The following TLE1 variants were observed in gnomAD, a reference collection of about 807,000 sequenced individuals.
The protein encoded by TLE1 is transducin-like enhancer protein 1.
In TLE1, 21 loss-of-function variants were observed where a neutral mutation model predicts 89.8. The observed-to-expected ratio is 0.23, with a 90% confidence interval of 0.17 to 0.34. The LOEUF is 0.34. Ranked by LOEUF, TLE1 falls within the 10% of genes least tolerant of loss-of-function variation. The pLI is 1.00. For missense variants in TLE1, 795 were observed against 1,031.2 expected (o/e 0.77, Z 3.14); for synonymous variants, 447 against 407.6 (o/e 1.10, Z -1.16).
At chr9:81,680,171 C>T (rs1183662305) in intron 4 of TLE1, among the ~76,000 whole-genome samples, 3 of 152,140 alleles carry the variant, frequency 2.0e-5, no homozygotes, top group African/African-American at 7.2e-5. Flanking sequence ...CCTCATTATA[C>T]AGAGAGGGGA....
At chr9:81,673,205 G>A (rs568997703) in intron 4 of TLE1, among the ~76,000 whole-genome samples, 75 of 150,680 alleles carry the variant, frequency 5.0e-4, no homozygotes, top group Non-Finnish European at 8.6e-4. Context: ...CCTGGGAGGT[G>A]GAGGTTGCAG....
chr9:81,662,017 C>G (rs572660206), intron 4 of TLE1, among the ~76,000 whole-genome samples: 1 of 152,056 alleles, frequency 6.6e-6, no homozygotes, highest in Non-Finnish European at 1.5e-5. Context: ...TAAGGCTTCC[C>G]ACAGCTAAGA....
chr9:81,612,179 C>A, intron 12 of TLE1: 1 of 671,894 alleles, frequency 1.5e-6, no homozygotes, highest in Non-Finnish European at 2.1e-6. Flanking sequence ...GGAAGCACAA[C>A]CCACACATTT....
At chr9:81,645,185 C>A (rs1211276033) in intron 6 of TLE1, among the ~76,000 whole-genome samples, 2 of 151,068 alleles carry the variant, frequency 1.3e-5, no homozygotes, top group African/African-American at 4.9e-5. Context: ...CATGGAGAAA[C>A]CCTGTCTCTA....
chr9:81,599,156 C>A (rs1280879204), intron 14 of TLE1, among the ~76,000 whole-genome samples: 1 of 152,180 alleles, frequency 6.6e-6, no homozygotes, highest in Non-Finnish European at 1.5e-5. Flanking sequence ...TATAGTCAAC[C>A]TTTGTTTGCC....
At chr9:81,658,365 CA>C (rs1564038940) in intron 4 of TLE1, among the ~76,000 whole-genome samples, 1 of 152,044 alleles carries the variant, frequency 6.6e-6, no homozygotes, top group Non-Finnish European at 1.5e-5. Flanking sequence ...AGTTAGAAAT[CA>C]AAGCTCAAAC....
chr9:81,667,044 G>A (rs1453224052), intron 4 of TLE1, among the ~76,000 whole-genome samples: 2 of 151,746 alleles, frequency 1.3e-5, no homozygotes, highest in Non-Finnish European at 2.9e-5. Flanking sequence ...CTTGTTCGGA[G>A]TAATCCTTGG....
chr9:81,679,662 C>A (rs940949429), intron 4 of TLE1, among the ~76,000 whole-genome samples: 3 of 152,190 alleles, frequency 2.0e-5, no homozygotes, highest in African/African-American at 7.2e-5. Flanking sequence ...ACAGAAACAG[C>A]TGTCTAAAAT....
intron 4 of TLE1, among the ~76,000 whole-genome samples, chr9:81,660,978 C>CACACACACAA (rs140689682): frequency 6.6e-5 from 8 of 121,758 alleles, no homozygotes; most frequent in Non-Finnish European, 1.2e-4. Flanking sequence ...CACACACACA[C>CACACACACAA]ATTTAGCCTG....
chr9:81,662,623 A>T (rs1180276151), intron 4 of TLE1, among the ~76,000 whole-genome samples: 1 of 151,532 alleles, frequency 6.6e-6, no homozygotes, highest in Non-Finnish European at 1.5e-5. Flanking sequence ...GCTTGAACCC[A>T]TGAGGCAGAG....
At chr9:81,664,936 A>G (rs1486178252) in intron 4 of TLE1, among the ~76,000 whole-genome samples, 1 of 152,154 alleles carries the variant, frequency 6.6e-6, no homozygotes, top group East Asian at 1.9e-4. Flanking sequence ...ATGCTTTGAG[A>G]AGCACTGCCA....
chr9:81,595,841 ATAAAAG>A (rs1254252657), intron 14 of TLE1, among the ~76,000 whole-genome samples: 2 of 151,920 alleles, frequency 1.3e-5, no homozygotes, highest in African/African-American at 2.4e-5. Flanking sequence ...AAATTAAAAA[ATAAAAG>A]TAAAACAATT....
chr9:81,596,761 G>T (rs1487908061), intron 14 of TLE1, among the ~76,000 whole-genome samples: 2 of 152,162 alleles, frequency 1.3e-5, no homozygotes, highest in Non-Finnish European at 2.9e-5. Context: ...CAAGGTGGTG[G>T]TTAACCTTGG....
intron 4 of TLE1, among the ~76,000 whole-genome samples, chr9:81,655,852 CAAAAAA>C (rs5898754): frequency 1.1e-4 from 14 of 127,018 alleles, no homozygotes; most frequent in Admixed American, 4.9e-4. Context: ...GACCCTGTCT[CAAAAAA>C]AAAAAAAAAA....
At chr9:81,600,263 A>G in intron 14 of TLE1, 1 of 577,022 alleles carries the variant, frequency 1.7e-6, no homozygotes, top group Non-Finnish European at 3.1e-6. Flanking sequence ...TATCCAAGCA[A>G]GAAATATACA....
At chr9:81,686,226 C>A (rs905972484) in intron 2 of TLE1, among the ~76,000 whole-genome samples, 6 of 152,208 alleles carry the variant, frequency 3.9e-5, no homozygotes, top group Admixed American at 1.3e-4. Context: ...TGTACTCCAC[C>A]AAAATCCGGC....
intron 1 of TLE1, among the ~76,000 whole-genome samples, chr9:81,687,765 C>G (rs956370713): frequency 6.6e-6 from 1 of 152,108 alleles, no homozygotes; most frequent in East Asian, 2.0e-4. Context: ...CCTTCCCCCA[C>G]GGCGGCGATA....
At chr9:81,652,763 G>A (rs998522067) in intron 5 of TLE1, among the ~76,000 whole-genome samples, 1 of 152,074 alleles carries the variant, frequency 6.6e-6, no homozygotes, top group African/African-American at 2.4e-5. Flanking sequence ...CAACATGGCA[G>A]AACCCTGTCT....
intron 6 of TLE1, among the ~76,000 whole-genome samples, chr9:81,644,886 C>G (rs1242212079): frequency 1.4e-5 from 2 of 147,848 alleles, no homozygotes; most frequent in African/African-American, 5.0e-5. Context: ...CCCAATTACT[C>G]GGGAGGCTGA....
Sources: gnomAD v4.1 joint callset for allele counts (sites outside exome capture counted in the v4.1 genomes callset) on GRCh38, gnomAD v4.1.1 for gene constraint, MANE v1.5 for transcripts, NCBI Gene and HGNC (gene_info 2026-07-23, HGNC 2026-07-21) for gene names.